MED12L: variants seen among roughly 807,000 people sequenced by gnomAD.
The protein encoded by MED12L is mediator complex subunit 12L.
A neutral mutation model predicts 281.3 loss-of-function variants in MED12L; 60 were observed. The observed-to-expected ratio is 0.21, with a 90% CI of 0.17 to 0.26. The LOEUF (loss-of-function observed/expected upper bound fraction) is 0.26. Among genes scored for constraint, MED12L ranks in the 10% least tolerant of loss-of-function variants. MED12L has a pLI of 1.00. For missense variants in MED12L, 2,146 were observed against 2,680.9 expected (o/e 0.80, Z 4.41); for synonymous variants, 974 against 987.2 (o/e 0.99, Z 0.25).
rs1214491655 is a variant in MED12L at position 151,165,401 on chromosome 3, A to G, written c.1258-19A>G. The G allele has an allele frequency of 6.2e-7, 1 of 1,600,400 alleles. No homozygotes were observed. Among genetic ancestry groups the G allele is most frequent in the Non-Finnish European group, 8.6e-7 (1 of 1,167,824 alleles). On this transcript the variant is annotated intron_variant, in intron 9 of 44. Coordinates refer to ENST00000687756, the MANE Select transcript of MED12L (RefSeq NM_001393769.1). ...GTGGCATTCCAAGCACAAGTTAATTAGAAGCGATTATCTTTCAGGTTCGGG... is the reference window on the plus strand; with the variant it reads ...GTGGCATTCCAAGCACAAGTTAATTGGAAGCGATTATCTTTCAGGTTCGGG...
rs1420216741 is a variant in MED12L at position 151,193,677 on chromosome 3, G to A, written c.2250+11G>A. 1.9e-6 allele frequency: 3 copies of A among 1,604,300 alleles called. No individual in the cohort carries two copies. Among genetic ancestry groups the A allele is most frequent in the Non-Finnish European group, 1.7e-6 (2 of 1,171,940 alleles). On this transcript the variant is annotated intron_variant, in intron 16 of 44. Coordinates refer to ENST00000687756, the MANE Select transcript of MED12L (RefSeq NM_001393769.1). ...TTTCCTATACCTCTGGTAAGTCATT[G>A]CTTCAGTTAATCTATACCCTGATTA...
chr3:151,211,290 G>A (rs1009920610), intron 16 of MED12L, among the ~76,000 whole-genome samples: 1 of 151,134 alleles, frequency 6.6e-6, no homozygotes, highest in African/African-American at 2.4e-5. Flanking sequence ...CCATGGCCCA[G>A]TAGGGGGCAT....
chr3:151,249,819 T>C (rs1377254103), intron 16 of MED12L, among the ~76,000 whole-genome samples: 1 of 152,170 alleles, frequency 6.6e-6, no homozygotes, highest in Non-Finnish European at 1.5e-5. Context: ...GAAATTATGC[T>C]CTGGATTAAT....
At chr3:151,307,164 T>A (rs1369497019) in intron 16 of MED12L, among the ~76,000 whole-genome samples, 1 of 152,234 alleles carries the variant, frequency 6.6e-6, no homozygotes, top group Non-Finnish European at 1.5e-5. Flanking sequence ...TAAGAATCTT[T>A]CTCAGTTTAA....
chr3:151,291,161 T>TTTG (rs1553770059), intron 16 of MED12L, among the ~76,000 whole-genome samples: 2 of 148,776 alleles, frequency 1.3e-5, no homozygotes, highest in African/African-American at 4.9e-5. Context: ...TTTTTTTTTT[T>TTTG]TTTTGTTTTT....
At chr3:151,174,682 A>G (rs1721825479) in intron 11 of MED12L, among the ~76,000 whole-genome samples, 2 of 152,192 alleles carry the variant, frequency 1.3e-5, no homozygotes, top group South Asian at 4.1e-4. Context: ...TCTTTTGGAA[A>G]TGTATATATG....
rs71848482 is a variant in MED12L at position 151,334,192 on chromosome 3, C to CTTTT, written c.2251-15864_2251-15863insTTTT. ...GATGTTATGTGTTTTTTCTTTCTTT[C>CTTTT]TTTCTTTTTTTTTTTGCCATTTCTA... On this transcript the variant is annotated intron_variant, in intron 16 of 44. Coordinates refer to ENST00000687756, the MANE Select transcript of MED12L (RefSeq NM_001393769.1). Among the ~76,000 whole-genome samples, 332 of 99,422 alleles carry CTTTT rather than the reference C, an allele frequency of 3.3e-3. 23 individuals are homozygous for CTTTT. In the East Asian group the frequency reaches 0.038, roughly 11 times the overall value. The allele number at this position is 99,422 out of a possible 152,430, so 65.2% of individuals were successfully genotyped here. A position where few individuals can be genotyped will look rare whatever the true frequency, so the allele number is the denominator to read the frequency against.
At chr3:151,247,638 C>T (rs1228454976) in intron 16 of MED12L, among the ~76,000 whole-genome samples, 1 of 141,470 alleles carries the variant, frequency 7.1e-6, no homozygotes, top group African/African-American at 2.6e-5. Context: ...GGAGGGATAG[C>T]ATTGGGAGAT....
At chr3:151,241,637 CAGT>C (rs974494265) in intron 16 of MED12L, among the ~76,000 whole-genome samples, 9 of 152,050 alleles carry the variant, frequency 5.9e-5, no homozygotes, top group Admixed American at 2.0e-4. Context: ...TATACACACA[CAGT>C]AGGATATTTT....
intron 5 of MED12L, among the ~76,000 whole-genome samples, chr3:151,155,273 C>A (rs571204248): frequency 2.6e-5 from 4 of 151,980 alleles, no homozygotes; most frequent in African/African-American, 9.6e-5. Flanking sequence ...GCAATTATTA[C>A]ATTTTTATCC....
At chr3:151,355,732 T>A (rs182557169) in intron 18 of MED12L, among the ~76,000 whole-genome samples, 164 bp from the exon 19 acceptor site, 15 of 152,244 alleles carry the variant, frequency 9.9e-5, no homozygotes, top group Admixed American at 5.2e-4. Context: ...AAGAAATCAT[T>A]TTCTTTGTAC....
chr3:151,388,191 G>A lies in MED12L; in HGVS notation c.5451+19G>A, dbSNP rs773899459. The stretch of plus-strand genomic sequence containing the variant: ...AGTTGATGTAAGTGGGGAAAGGAAG[G>A]AGAACCTTGGCTCATTAGCATTTAG... On this transcript the variant is annotated intron_variant, in intron 37 of 44. Coordinates refer to ENST00000687756, the MANE Select transcript of MED12L (RefSeq NM_001393769.1). 5.7e-6 allele frequency: 9 copies of A among 1,574,608 alleles called. No homozygotes were observed. In the South Asian group the frequency reaches 1.0e-4, roughly 18 times the overall value.
chr3:151,431,457 A>G (rs542970899), intron 44 of MED12L, among the ~76,000 whole-genome samples: 14 of 152,308 alleles, frequency 9.2e-5, no homozygotes, highest in African/African-American at 2.6e-4. Context: ...TGGATACCCA[A>G]AATTTTTTTT....
intron 5 of MED12L, among the ~76,000 whole-genome samples, chr3:151,141,187 G>GTTTTTTTGT (rs376743895): frequency 6.1e-5 from 6 of 99,102 alleles, no homozygotes; most frequent in African/African-American, 2.4e-4. Flanking sequence ...TGTTTTTTTT[G>GTTTTTTTGT]TTTTTTTTTT....
chr3:151,316,736 T>TA (rs1222594973), intron 16 of MED12L: 4 of 152,214 alleles, frequency 2.6e-5, no homozygotes. Context: ...ACATCTCCCC[T>TA]ACCAGACAAG....
intron 8 of MED12L, among the ~76,000 whole-genome samples, chr3:151,163,617 C>T (rs1720291643): frequency 6.6e-6 from 1 of 151,906 alleles, no homozygotes; most frequent in South Asian, 2.1e-4. Context: ...ATGATTACTG[C>T]ATTTTTATTA....
intron 2 of MED12L, among the ~76,000 whole-genome samples, chr3:151,092,196 T>C (rs1351899956): frequency 6.6e-6 from 1 of 152,188 alleles, no homozygotes; most frequent in Admixed American, 6.5e-5. Flanking sequence ...GCAGTTTTGT[T>C]TCCTGTCATT....
At chr3:151,375,731 G>A (rs1010955124) in intron 27 of MED12L, among the ~76,000 whole-genome samples, 3 of 152,028 alleles carry the variant, frequency 2.0e-5, no homozygotes, top group Non-Finnish European at 4.4e-5. Context: ...ACAAAATAGT[G>A]CCTAGAGCAA....
intron 20 of MED12L, 106 bp downstream of exon 20, chr3:151,357,482 A>G: frequency 1.0e-6 from 1 of 1,002,932 alleles, no homozygotes; most frequent in Non-Finnish European, 1.4e-6. Context: ...TACCTGTTTT[A>G]GTTAAAACAT....
Sources: allele counts gnomAD v4.1 joint callset (sites outside exome capture counted in the v4.1 genomes callset), GRCh38; gene constraint gnomAD v4.1.1; transcripts MANE v1.5; gene names NCBI Gene and HGNC (gene_info 2026-07-23, HGNC 2026-07-21).